Variants in ANTXR2 observed in about 807,000 individuals in gnomAD.
The protein encoded by ANTXR2 is anthrax toxin receptor 2.
ANTXR2 carries 44 observed loss-of-function variants against 73.7 expected under a neutral mutation model. The observed-to-expected ratio is 0.60, with a 90% CI of 0.47 to 0.77. The LOEUF is 0.77. Ranked by LOEUF, ANTXR2 falls within the 30% of genes least tolerant of loss-of-function variation. The pLI is 0.00. For synonymous variants in ANTXR2, 217 were observed against 205.9 expected (o/e 1.05, Z -0.46); for missense variants, 604 against 592.5 (o/e 1.02, Z -0.20).
chr4:79,910,890 A>C (rs1727107127), intron 16 of ANTXR2, among the ~76,000 whole-genome samples: 1 of 152,220 alleles, frequency 6.6e-6, no homozygotes, highest in Non-Finnish European at 1.5e-5. Flanking sequence ...CTTTTGGCTA[A>C]AGGGAAATAT....
chr4:79,911,528 T>C (rs977881641), intron 16 of ANTXR2, among the ~76,000 whole-genome samples: 2 of 151,834 alleles, frequency 1.3e-5, no homozygotes, highest in Admixed American at 6.6e-5. Flanking sequence ...CTAATACTAG[T>C]ATCAGGTGAC....
At chr4:79,909,654 A>T (rs1727047844) in intron 16 of ANTXR2, among the ~76,000 whole-genome samples, 1 of 152,046 alleles carries the variant, frequency 6.6e-6, no homozygotes, top group African/African-American at 2.4e-5. Flanking sequence ...CCAAAAAAAA[A>T]AAAATAAAGA....
chr4:79,977,069 G>A (rs879332251), intron 16 of ANTXR2, among the ~76,000 whole-genome samples: 32 of 152,150 alleles, frequency 2.1e-4, no homozygotes, highest in Non-Finnish European at 4.3e-4. Context: ...CCCTGGTGGG[G>A]AAAAAATATA....
At chr4:79,935,618 T>G (rs1050328205) in intron 16 of ANTXR2, among the ~76,000 whole-genome samples, 1 of 152,192 alleles carries the variant, frequency 6.6e-6, no homozygotes, top group Non-Finnish European at 1.5e-5. Flanking sequence ...AAGTGCAAGA[T>G]AGTACACTGA....
At chr4:80,055,595 T>C in intron 4 of ANTXR2, 128 bp from the exon 5 acceptor site, 1 of 763,630 alleles carries the variant, frequency 1.3e-6, no homozygotes, top group South Asian at 1.7e-5. Flanking sequence ...AACAGGGTAA[T>C]TTGTGTTAAC....
chr4:79,944,812 A>T (rs1378990982), intron 16 of ANTXR2, among the ~76,000 whole-genome samples: 1 of 152,052 alleles, frequency 6.6e-6, no homozygotes, highest in African/African-American at 2.4e-5. Context: ...TTTCTACCCC[A>T]ATGTTTTCTC....
rs571682315 is a variant in ANTXR2, at chr4:79,901,421, CTTTG to C, written c.*6004_*6007del. 9.9e-5 allele frequency: 15 copies of C among 151,704 alleles called. No individual in the cohort carries two copies. The highest frequency in any genetic ancestry group is 2.1e-4 in the Non-Finnish European group (14 of 67,928). The allele number at this position is 151,704 out of a possible 1,614,324, so 9.4% of individuals were successfully genotyped here. A position where few individuals can be genotyped will look rare whatever the true frequency, so the allele number is the denominator to read the frequency against. ...TTATTACTTTGGAAGCTTTTGGTTT[CTTTG>C]TTTGGCATCTAAATTGTTTAAAATC... On this transcript the variant is annotated 3_prime_UTR_variant, in exon 17 of 17. Transcript: ENST00000403729.
intron 7 of ANTXR2, among the ~76,000 whole-genome samples, chr4:80,038,394 G>A (rs770982482): frequency 6.6e-6 from 1 of 152,002 alleles, no homozygotes; most frequent in Non-Finnish European, 1.5e-5. Context: ...TTCTCCTAAG[G>A]AGATCTCTTT....
intron 16 of ANTXR2, among the ~76,000 whole-genome samples, chr4:79,908,922 A>T (rs1384681766): frequency 6.6e-6 from 1 of 152,184 alleles, no homozygotes; most frequent in Non-Finnish European, 1.5e-5. Context: ...AAACAATAAA[A>T]GTGTTATTTT....
chr4:79,965,501 G>A (rs1729328450), intron 16 of ANTXR2, among the ~76,000 whole-genome samples: 1 of 152,082 alleles, frequency 6.6e-6, no homozygotes, highest in African/African-American at 2.4e-5. Context: ...AACTCTTCCT[G>A]ATTTCTACAG....
At chr4:79,980,215 A>C (rs1367357383) in intron 14 of ANTXR2, among the ~76,000 whole-genome samples, 4 of 152,156 alleles carry the variant, frequency 2.6e-5, no homozygotes, top group Non-Finnish European at 5.9e-5. Context: ...TTAGTTCATG[A>C]GGGAGCTATT....
chr4:80,021,518 A>G (rs995474513), intron 10 of ANTXR2, among the ~76,000 whole-genome samples: 11 of 152,222 alleles, frequency 7.2e-5, no homozygotes, highest in Non-Finnish European at 1.2e-4. Context: ...TTAAGGGATC[A>G]GTAGACATTG....
At chr4:80,064,174 G>A (rs951657471) in intron 3 of ANTXR2, among the ~76,000 whole-genome samples, 64 of 152,190 alleles carry the variant, frequency 4.2e-4, no homozygotes, top group African/African-American at 1.3e-3. Flanking sequence ...GTTTGCCTAC[G>A]GAAGATTTTT....
chr4:79,986,921 T>A lies in ANTXR2; in HGVS notation c.1042-2058A>T, dbSNP rs115682370. ...CTCCTGAAAGCATCCAGAAATGAAG[T>A]CAATCAACTAAACACAATTTATACT... On this transcript the variant is annotated intron_variant, in intron 12 of 16. Coordinates refer to ENST00000403729, the MANE Select transcript of ANTXR2 (RefSeq NM_058172.6). 8.1e-3 allele frequency among the ~76,000 whole-genome samples: 1,238 copies of A among 152,142 alleles called. 17 individuals are homozygous for A. Among genetic ancestry groups the A allele is most frequent in the African/African-American group, 0.029 (1,198 of 41,518 alleles).
chr4:79,935,328 C>A (rs1728220087), intron 16 of ANTXR2, among the ~76,000 whole-genome samples: 1 of 148,494 alleles, frequency 6.7e-6, no homozygotes, highest in African/African-American at 2.5e-5. Flanking sequence ...ATTACTCCCT[C>A]ATTTTCCACC....
intron 16 of ANTXR2, among the ~76,000 whole-genome samples, chr4:79,922,930 A>G (rs1727644555): frequency 6.6e-6 from 1 of 152,162 alleles, no homozygotes; most frequent in African/African-American, 2.4e-5. Flanking sequence ...ACTTTGGATA[A>G]CAGCAAAGTT....
chr4:79,986,739 C>G (rs1424221662), intron 12 of ANTXR2, among the ~76,000 whole-genome samples: 1 of 152,114 alleles, frequency 6.6e-6, no homozygotes, highest in Non-Finnish European at 1.5e-5. Flanking sequence ...TTGTCAACAG[C>G]CCCCATCAGA....
At chr4:80,072,350 C>G (rs768776326) in intron 1 of ANTXR2, 59 bp downstream of exon 1, 2 of 1,499,260 alleles carry the variant, frequency 1.3e-6, no homozygotes, top group Non-Finnish European at 1.8e-6. Context: ...TCAGCCTCAG[C>G]CCCAGCTGAT....
chr4:79,966,666 A>T (rs1729377074), intron 16 of ANTXR2, among the ~76,000 whole-genome samples: 1 of 152,256 alleles, frequency 6.6e-6, no homozygotes, highest in South Asian at 2.1e-4. Flanking sequence ...GTAGGATATT[A>T]GAGTCTCAAT....
Sources: allele counts gnomAD v4.1 joint callset (sites outside exome capture counted in the v4.1 genomes callset), GRCh38; gene constraint gnomAD v4.1.1; transcripts MANE v1.5; gene names NCBI Gene and HGNC (gene_info 2026-07-23, HGNC 2026-07-21).